ZBTB20: variants seen among roughly 807,000 people sequenced by gnomAD.
The protein encoded by ZBTB20 is zinc finger and BTB domain-containing protein 20.
In ZBTB20, 9 loss-of-function variants were observed where a neutral mutation model predicts 56.9. That is an observed-to-expected ratio of 0.16 (90% confidence interval 0.10 to 0.28). The LOEUF (loss-of-function observed/expected upper bound fraction) is 0.28, where lower values mean the gene tolerates loss of function less well. Among genes scored for constraint, ZBTB20 ranks in the 10% least tolerant of loss-of-function variants. The pLI is 1.00. For missense variants in ZBTB20, 655 were observed against 1,003.0 expected, an observed-to-expected ratio of 0.65 and a Z score of 4.69; for synonymous variants, 417 against 420.7, an observed-to-expected ratio of 0.99 and a Z score of 0.11.
intron 5 of ZBTB20, among the ~76,000 whole-genome samples, chr3:114,741,763 T>A (rs530719497): frequency 1.3e-5 from 2 of 150,488 alleles, no homozygotes; most frequent in Non-Finnish European, 3.0e-5. Flanking sequence ...GCACCTGTAA[T>A]CCCAGCTACT....
intron 2 of ZBTB20, among the ~76,000 whole-genome samples, chr3:115,022,080 A>T (rs1339049521): frequency 1.3e-5 from 2 of 150,812 alleles, no homozygotes; most frequent in African/African-American, 4.8e-5. Flanking sequence ...ATCTATTCAC[A>T]TAATAGTTCA....
At chr3:114,597,016 C>T (rs375638168) in intron 6 of ZBTB20, among the ~76,000 whole-genome samples, 7 of 152,020 alleles carry the variant, frequency 4.6e-5, no homozygotes, top group East Asian at 3.9e-4. Context: ...AAATACTTCC[C>T]GACTCAATCC....
chr3:115,013,230 T>C (rs80294243), intron 2 of ZBTB20, among the ~76,000 whole-genome samples: 13,821 of 150,174 alleles, frequency 0.092, 1,840 homozygotes, highest in African/African-American at 0.3. Context: ...GATAAATGAG[T>C]AGAAAATGAA....
In ZBTB20 at chr3:114,350,953, G is replaced by A. The variant is rs374510842; in HGVS notation, c.1125C>T (p.Phe375=). 13 of 1,606,552 alleles carry A rather than the reference G, an allele frequency of 8.1e-6. No homozygotes were observed. In the South Asian group the frequency reaches 8.8e-5, roughly 11 times the overall value. Reference sequence around the variant, plus strand: ...CTATGGAGGAGCTGACGCCCGAGTCGAAGCTTTCACCTTTGGGCTCACTCT... The same window carrying A: ...CTATGGAGGAGCTGACGCCCGAGTCAAAGCTTTCACCTTTGGGCTCACTCT... ...GTESEPKGES[F]DSGVSSSIGT... The change falls in exon 11 of 12, where the codon TTC becomes TTT. Residue 375 remains phenylalanine, a synonymous_variant. Transcript: ENST00000675478.
intron 7 of ZBTB20, among the ~76,000 whole-genome samples, chr3:114,455,060 G>GGAGA (rs541643450): frequency 2.3e-4 from 32 of 137,754 alleles, no homozygotes; most frequent in Non-Finnish European, 4.6e-4. Context: ...GAGAGGGGGG[G>GGAGA]GAGAGAGAGA....
At chr3:114,529,916 G>T (rs2110017668) in intron 6 of ZBTB20, among the ~76,000 whole-genome samples, 1 of 152,310 alleles carries the variant, frequency 6.6e-6, no homozygotes, top group East Asian at 1.9e-4. Flanking sequence ...TGAGTTAAAG[G>T]AAGTCCTATT....
In ZBTB20 at chr3:114,446,654, T is replaced by C. The variant is rs866941156; in HGVS notation, c.-255+53698A>G. Reference sequence around the variant, plus strand: ...AACTTCCTCTCTCTCTTTCTTCATGTAAGTGTTTGACAAAAGCATGTATCT... The same window carrying C: ...AACTTCCTCTCTCTCTTTCTTCATGCAAGTGTTTGACAAAAGCATGTATCT... On this transcript the variant is annotated intron_variant, in intron 7 of 11. Coordinates refer to ENST00000675478, the MANE Select transcript of ZBTB20 (RefSeq NM_001348800.3). Among the ~76,000 whole-genome samples, 16 of 152,178 alleles carry C rather than the reference T, an allele frequency of 1.1e-4. No individual in the cohort carries two copies. The South Asian group carries it at 2.1e-3, about 20-fold the overall frequency.
Position 114,351,351 on chromosome 3 carries a change from T to A in ZBTB20, c.727A>T (p.Ile243Phe), listed in dbSNP as rs1258453080. ...GAGCACGCGTAGAGTGCCGAGTAGA[T>A]CCTGTCCACGCTGTGCTGTGGGTGG... The part of the protein sequence containing the change: ...QSHPQHSVDR[I>F]YSALYACSMQ... The change falls in exon 11 of 12, where the codon ATC (isoleucine) becomes TTC (phenylalanine). Residue 243 changes from isoleucine (I) to phenylalanine (F), a missense_variant. By Grantham distance (21) the Ile-to-Phe change is conservative. Coordinates refer to ENST00000675478, the MANE Select transcript of ZBTB20 (RefSeq NM_001348800.3). The A allele has an allele frequency of 1.2e-6, 2 of 1,609,910 alleles. No homozygotes were observed. The highest frequency in any genetic ancestry group is 4.5e-5 in the East Asian group (2 of 44,726).
At chr3:114,466,136 T>G (rs917408918) in intron 7 of ZBTB20, among the ~76,000 whole-genome samples, 1 of 152,090 alleles carries the variant, frequency 6.6e-6, no homozygotes, top group Non-Finnish European at 1.5e-5. Flanking sequence ...ATTTCAAGAA[T>G]GCAGTGAGGG....
intron 7 of ZBTB20, among the ~76,000 whole-genome samples, chr3:114,405,501 C>G (rs1378916687): frequency 6.6e-6 from 1 of 152,068 alleles, no homozygotes; most frequent in Non-Finnish European, 1.5e-5. Flanking sequence ...CATGATATAT[C>G]TTGAGAGTAA....
chr3:114,608,219 G>T (rs1271510341), intron 6 of ZBTB20, among the ~76,000 whole-genome samples: 1 of 152,168 alleles, frequency 6.6e-6, no homozygotes, highest in Non-Finnish European at 1.5e-5. Context: ...TTCCTGGGAA[G>T]AGCATAGGAA....
At chr3:114,716,805 T>C (rs1455485023) in intron 5 of ZBTB20, among the ~76,000 whole-genome samples, 1 of 152,144 alleles carries the variant, frequency 6.6e-6, no homozygotes, top group Non-Finnish European at 1.5e-5. Context: ...CCTTATGCAC[T>C]TGGTTCTGTA....
intron 2 of ZBTB20, among the ~76,000 whole-genome samples, chr3:114,992,124 C>T (rs1456619085): frequency 6.6e-6 from 1 of 151,998 alleles, no homozygotes; most frequent in African/African-American, 2.4e-5. Context: ...TACCCACTCT[C>T]TCTCACAAAT....
intron 4 of ZBTB20, among the ~76,000 whole-genome samples, chr3:114,871,788 T>A (rs150952992): frequency 6.6e-6 from 1 of 152,276 alleles, no homozygotes; most frequent in Admixed American, 6.5e-5. Flanking sequence ...ATAAAAAAGC[T>A]AATGATCATC....
At position 114,331,115 on chromosome 3, in the gene ZBTB20, G is replaced by A. The variant is rs1453078737; in HGVS notation, c.*7890C>T. On this transcript the variant is annotated 3_prime_UTR_variant, in exon 12 of 12. Coordinates refer to ENST00000675478, the MANE Select transcript of ZBTB20 (RefSeq NM_001348800.3). ...TTGAGAATAAAATTTATGTGTGTGT[G>A]TGTGTGTGTGTGTGTGTGTGTGCAC... 1 of 140,128 alleles carries A rather than the reference G, an allele frequency of 7.1e-6. No homozygotes were observed. Among genetic ancestry groups the A allele is most frequent in the African/African-American group, 2.6e-5 (1 of 38,358 alleles). 8.7% of individuals were successfully genotyped at this position (140,128 alleles called of 1,614,324 possible). A position where few individuals can be genotyped will look rare whatever the true frequency, so the allele number is the denominator to read the frequency against.
intron 2 of ZBTB20, among the ~76,000 whole-genome samples, chr3:115,054,387 G>A (rs1472776976): frequency 1.3e-5 from 2 of 152,176 alleles, no homozygotes; most frequent in South Asian, 4.1e-4. Context: ...TAGCAAGTTT[G>A]TAAGTTTCAC....
chr3:114,715,832 T>C (rs1195216726), intron 5 of ZBTB20, among the ~76,000 whole-genome samples: 1 of 152,192 alleles, frequency 6.6e-6, no homozygotes, highest in African/African-American at 2.4e-5. Flanking sequence ...ACTCCCAGGA[T>C]GTGAAACAAA....
intron 2 of ZBTB20, among the ~76,000 whole-genome samples, chr3:115,006,124 T>C (rs1016752028): frequency 2.0e-5 from 3 of 151,764 alleles, no homozygotes; most frequent in South Asian, 2.1e-4. Context: ...GGATCCTTCT[T>C]ATCATTTGAG....
At chr3:114,895,658 ATAC>A (rs1386059112) in intron 4 of ZBTB20, among the ~76,000 whole-genome samples, 1 of 152,104 alleles carries the variant, frequency 6.6e-6, no homozygotes, top group Admixed American at 6.6e-5. Flanking sequence ...TGAAATTCCT[ATAC>A]TACTGATTAT....
Sources: allele counts gnomAD v4.1 joint callset (sites outside exome capture counted in the v4.1 genomes callset), GRCh38; gene constraint gnomAD v4.1.1; transcripts MANE v1.5; gene names NCBI Gene and HGNC (gene_info 2026-07-23, HGNC 2026-07-21).